TESMIN: variants seen among roughly 807,000 people sequenced by gnomAD.
TESMIN encodes testis expressed metallothionein like protein.
Under a neutral mutation model 47.4 loss-of-function variants are expected in TESMIN, and 34 were observed. The ratio of observed to expected loss-of-function variants is 0.72; its 90% CI spans 0.55 to 0.96. TESMIN has a LOEUF of 0.96. Among genes scored for constraint, TESMIN ranks in the 40% least tolerant of loss-of-function variants. TESMIN has a pLI of 0.00. For missense variants in TESMIN, 610 were observed against 637.2 expected (o/e 0.96, Z 0.46); for synonymous variants, 278 against 258.9 (o/e 1.07, Z -0.71).
In TESMIN at chr11:68,712,463, T is replaced by C. The variant is rs115277939; in HGVS notation, c.1158+807A>G. Among the ~76,000 whole-genome samples the C allele has an allele frequency of 2.7e-3, 408 of 152,188 alleles. 4 individuals are homozygous for C. The highest frequency in any genetic ancestry group is 9.5e-3 in the African/African-American group (394 of 41,524). On this transcript the variant is annotated intron_variant, in intron 8 of 9. Transcript: ENST00000255087. ...ACAGACAGCCTTTGAAAAGTATAAT[T>C]CACAGGAACCCCCAAAAGACCTCAA...
intron 5 of TESMIN, 83 bp from the exon 6 acceptor site, chr11:68,738,871 A>T (rs1303319911): frequency 2.4e-5 from 30 of 1,226,906 alleles, no homozygotes; most frequent in Non-Finnish European, 3.5e-5. Context: ...GATAAAAATG[A>T]TTCTTTTTTT....
chr11:68,743,607 ATACT>A (rs1946485388), intron 4 of TESMIN, among the ~76,000 whole-genome samples: 2 of 152,126 alleles, frequency 1.3e-5, no homozygotes, highest in South Asian at 4.1e-4. Context: ...TTGGATATAA[ATACT>A]TACTAAGCTA....
Position 68,750,674 on chromosome 11 carries a change from G to A in TESMIN, c.-14C>T, listed in dbSNP as rs1279252966. ...GCCCTCCTCCATGGCGCAGGGCGGC[G>A]GGGCGGGATGGCGGGGGCCGCGCAC... On this transcript the variant is annotated 5_prime_UTR_variant, in exon 2 of 10. Coordinates refer to ENST00000255087, the MANE Select transcript of TESMIN (RefSeq NM_004923.3). 2 of 1,485,382 alleles carry A rather than the reference G, an allele frequency of 1.3e-6. No homozygotes were observed. Among genetic ancestry groups the A allele is most frequent in the Non-Finnish European group, 1.8e-6 (2 of 1,116,818 alleles). 92.0% of individuals were successfully genotyped at this position (1,485,382 alleles called of 1,614,324 possible). A position where few individuals can be genotyped will look rare whatever the true frequency, so the allele number is the denominator to read the frequency against.
rs78738782 is a variant in TESMIN, at chr11:68,710,549, C to T, written c.1334+325G>A. ...CTGGGTCGTTGTGGCTCTATATTAA[C>T]GCAAAGGCAGTGTCAGAACTCTGCT... On this transcript the variant is annotated intron_variant, in intron 9 of 9. Coordinates refer to ENST00000255087, the MANE Select transcript of TESMIN (RefSeq NM_004923.3). 4.5e-3 allele frequency: 1,237 copies of T among 274,390 alleles called. 18 individuals are homozygous for T. The highest frequency in any genetic ancestry group is 0.024 in the African/African-American group (1,113 of 45,464). 17.0% of individuals were successfully genotyped at this position (274,390 alleles called of 1,614,324 possible).
intron 6 of TESMIN, among the ~76,000 whole-genome samples, chr11:68,716,572 C>G (rs534828381): frequency 6.6e-6 from 1 of 152,224 alleles, no homozygotes; most frequent in East Asian, 1.9e-4. Flanking sequence ...ACCACCATGC[C>G]CTGTGACTCC....
chr11:68,736,781 G>C (rs1946391806), intron 6 of TESMIN: 1 of 970,322 alleles, frequency 1.0e-6, no homozygotes, highest in East Asian at 1.1e-4. Context: ...AGAGCAGGGG[G>C]AGGAGAACAA....
chr11:68,733,665 C>A (rs557374533), intron 6 of TESMIN: 131 of 152,272 alleles, frequency 8.6e-4, no homozygotes, highest in African/African-American at 3.1e-3. Context: ...ATTTCAGACA[C>A]TGGGATTTGG....
chr11:68,711,999 T>C (rs1293286320), intron 8 of TESMIN, among the ~76,000 whole-genome samples: 2 of 152,272 alleles, frequency 1.3e-5, no homozygotes, highest in African/African-American at 4.8e-5. Flanking sequence ...GATTTCCCTC[T>C]GTTCTTTCCA....
chr11:68,741,767 G>T (rs867192744), intron 5 of TESMIN, among the ~76,000 whole-genome samples: 4 of 152,168 alleles, frequency 2.6e-5, no homozygotes, highest in East Asian at 1.9e-4. Context: ...ACCACAAAAC[G>T]CAAGCCAGTG....
intron 3 of TESMIN, among the ~76,000 whole-genome samples, chr11:68,745,619 CAT>C (rs546288500): frequency 1.1e-3 from 167 of 152,374 alleles, no homozygotes; most frequent in Admixed American, 2.2e-3. Flanking sequence ...CTGCCACACA[CAT>C]GTCATTATTT....
chr11:68,718,568 C>A (rs942955722), intron 6 of TESMIN, among the ~76,000 whole-genome samples: 1 of 152,148 alleles, frequency 6.6e-6, no homozygotes, highest in East Asian at 1.9e-4. Context: ...GAAGGGGATA[C>A]AATAATTCCA....
chr11:68,723,191 CTACAT>C (rs1946222568), intron 6 of TESMIN, among the ~76,000 whole-genome samples: 1 of 151,854 alleles, frequency 6.6e-6, no homozygotes, highest in Non-Finnish European at 1.5e-5. Flanking sequence ...GACGTACAGA[CTACAT>C]TATCTAACTA....
intron 6 of TESMIN, among the ~76,000 whole-genome samples, chr11:68,734,312 A>C (rs1488727333): frequency 6.6e-6 from 1 of 152,184 alleles, no homozygotes; most frequent in Non-Finnish European, 1.5e-5. Context: ...GGCATTAGAG[A>C]AGAAACAAAC....
intron 4 of TESMIN, 119 bp from the exon 5 acceptor site, chr11:68,742,513 T>C (rs748652983): frequency 1.8e-6 from 1 of 568,226 alleles, no homozygotes; most frequent in Non-Finnish European, 3.0e-6. Context: ...TTTCAACTTA[T>C]CTTGATGCTA....
chr11:68,726,124 C>T (rs1368048270), intron 6 of TESMIN, among the ~76,000 whole-genome samples: 1 of 152,112 alleles, frequency 6.6e-6, no homozygotes, highest in Non-Finnish European at 1.5e-5. Context: ...ATATTAACCC[C>T]AGTCGAAGGC....
At position 68,741,467 on chromosome 11, in the gene TESMIN, C is replaced by T. The variant is rs138675792; in HGVS notation, c.828+851G>A. Among the ~76,000 whole-genome samples the T allele has an allele frequency of 3.5e-3, 531 of 152,354 alleles. 3 individuals are homozygous for T. Among genetic ancestry groups the T allele is most frequent in the African/African-American group, 0.012 (492 of 41,574 alleles). On this transcript the variant is annotated intron_variant, in intron 5 of 9. Coordinates refer to ENST00000255087, the MANE Select transcript of TESMIN (RefSeq NM_004923.3). The stretch of plus-strand genomic sequence containing the variant: ...CCCATCAAATCCCCATCCCCCCAAT[C>T]CGCTTCCTCTGCTCTCCTAACAGAT...
At chr11:68,734,372 C>G (rs1017035013) in intron 6 of TESMIN, among the ~76,000 whole-genome samples, 1 of 152,296 alleles carries the variant, frequency 6.6e-6, no homozygotes, top group South Asian at 2.1e-4. Flanking sequence ...GGCAGCTGCA[C>G]ATTAAACCAT....
At chr11:68,721,578 G>C (rs1946204606) in intron 6 of TESMIN, among the ~76,000 whole-genome samples, 1 of 152,142 alleles carries the variant, frequency 6.6e-6, no homozygotes, top group Non-Finnish European at 1.5e-5. Context: ...TGCTCACTCT[G>C]TCTTCCCTGT....
Position 68,708,442 on chromosome 11 carries a change from C to G in TESMIN, c.1393G>C (p.Ala465Pro). The G allele has an allele frequency of 6.2e-7, 1 of 1,614,146 alleles. No individual in the cohort carries two copies. ...VVEATCACLL[A>P]QGEEAEKEHC... ...TCTTTCTCGGCCTCTTCTCCCTGAGCAAGCAGGCAGGCGCATGTGGCCTCC... is the reference window on the plus strand; with the variant it reads ...TCTTTCTCGGCCTCTTCTCCCTGAGGAAGCAGGCAGGCGCATGTGGCCTCC... The change falls in exon 10 of 10, where the codon GCT becomes CCT. Residue 465 changes from alanine (A) to proline (P), a missense_variant. Transcript: ENST00000255087.
Sources: gnomAD v4.1 joint callset for allele counts (sites outside exome capture counted in the v4.1 genomes callset) on GRCh38, gnomAD v4.1.1 for gene constraint, MANE v1.5 for transcripts, NCBI Gene and HGNC (gene_info 2026-07-23, HGNC 2026-07-21) for gene names.